Variants in TNFSF4 observed in about 807,000 individuals in gnomAD.
The protein encoded by TNFSF4 is tumor necrosis factor ligand superfamily member 4.
In TNFSF4, 4 loss-of-function variants were observed where a neutral mutation model predicts 7.3. The observed-to-expected ratio is 0.55, with a 90% CI of 0.27 to 1.25. The LOEUF (loss-of-function observed/expected upper bound fraction) is 1.25, where lower values mean the gene tolerates loss of function less well. TNFSF4 is among the 50% of genes most tolerant of loss of function. TNFSF4 has a pLI of 0.12. For synonymous variants in TNFSF4, 76 were observed against 83.7 expected (o/e 0.91, Z 0.50); for missense variants, 181 against 208.8 (o/e 0.87, Z 0.82).
chr1:173,314,882 C>T, the TNFSF4 span, among the ~76,000 whole-genome samples: 1 of 152,044 alleles, frequency 6.6e-6, no homozygotes, highest in Non-Finnish European at 1.5e-5. Flanking sequence ...AAGTGAAGTA[C>T]AATGGGTATA....
chr1:173,371,389 AG>A, the TNFSF4 span, among the ~76,000 whole-genome samples: 1 of 152,208 alleles, frequency 6.6e-6, no homozygotes. Flanking sequence ...TATGAATATG[AG>A]GAAAAAGTTA....
At chr1:173,369,356 C>T in the TNFSF4 span, among the ~76,000 whole-genome samples, 1 of 152,254 alleles carries the variant, frequency 6.6e-6, no homozygotes, top group East Asian at 1.9e-4. Context: ...TTTCTTGGTC[C>T]TCTTTGTGGT....
At chr1:173,291,875 C>T in the TNFSF4 span, among the ~76,000 whole-genome samples, 1 of 151,916 alleles carries the variant, frequency 6.6e-6, no homozygotes, top group South Asian at 2.1e-4. Flanking sequence ...AACACCTAGG[C>T]TATTAAACAA....
chr1:173,335,018 AT>A, the TNFSF4 span, among the ~76,000 whole-genome samples: 1 of 152,138 alleles, frequency 6.6e-6, no homozygotes, highest in South Asian at 2.1e-4. Flanking sequence ...AGTTTGTGGG[AT>A]AATGGTGGAG....
At chr1:173,208,833 T>C (rs1186011185), upstream of TNFSF4, among the ~76,000 whole-genome samples, 1 of 144,028 alleles carries the variant, frequency 6.9e-6, no homozygotes, top group African/African-American at 2.6e-5. Context: ...TTTCAAAAAA[T>C]GACTAAGAGT....
chr1:173,239,318 G>A, the TNFSF4 span, among the ~76,000 whole-genome samples: 1 of 152,214 alleles, frequency 6.6e-6, no homozygotes, highest in East Asian at 1.9e-4. Context: ...AGCCATGGTG[G>A]GAGGACAGTT....
chr1:173,443,571 G>A, the TNFSF4 span, among the ~76,000 whole-genome samples: 1 of 152,150 alleles, frequency 6.6e-6, no homozygotes, highest in African/African-American at 2.4e-5. Context: ...TGTAGATATA[G>A]ATAGCGATTG....
At chr1:173,319,811 C>A in the TNFSF4 span, among the ~76,000 whole-genome samples, 3 of 152,296 alleles carry the variant, frequency 2.0e-5, no homozygotes, top group Non-Finnish European at 2.9e-5. Context: ...AACAGCAACA[C>A]CAACAAAGAA....
the TNFSF4 span, among the ~76,000 whole-genome samples, chr1:173,291,513 G>C: frequency 6.6e-6 from 1 of 152,154 alleles, no homozygotes; most frequent in African/African-American, 2.4e-5. Context: ...TAAGAGGAAA[G>C]TTTATAGCAC....
the TNFSF4 span, among the ~76,000 whole-genome samples, chr1:173,443,187 G>A: frequency 6.6e-6 from 1 of 152,168 alleles, no homozygotes; most frequent in Non-Finnish European, 1.5e-5. Context: ...CAGAAAAGAT[G>A]AGAAAGAATA....
chr1:173,355,581 C>T, the TNFSF4 span, among the ~76,000 whole-genome samples: 1 of 152,306 alleles, frequency 6.6e-6, no homozygotes, highest in South Asian at 2.1e-4. Context: ...GGGCCTCCAC[C>T]CATTTCCCTC....
chr1:173,306,095 A>C, the TNFSF4 span, among the ~76,000 whole-genome samples: 1 of 151,982 alleles, frequency 6.6e-6, no homozygotes, highest in Admixed American at 6.6e-5. Flanking sequence ...TCTGAAATCC[A>C]AATCTCAGTG....
the TNFSF4 span, among the ~76,000 whole-genome samples, chr1:173,244,744 G>A: frequency 2.6e-5 from 4 of 151,190 alleles, no homozygotes; most frequent in Admixed American, 6.6e-5. Flanking sequence ...TCACAGCCGC[G>A]CAAATGACCT....
At chr1:173,373,045 G>A in the TNFSF4 span, among the ~76,000 whole-genome samples, 1 of 152,212 alleles carries the variant, frequency 6.6e-6, no homozygotes, top group Non-Finnish European at 1.5e-5. Context: ...GCACTTACCT[G>A]AGCCTTAGAA....
chr1:173,386,653 G>A, the TNFSF4 span, among the ~76,000 whole-genome samples: 1 of 152,154 alleles, frequency 6.6e-6, no homozygotes, highest in Admixed American at 6.5e-5. Context: ...CTTGAGACCT[G>A]TAGAGCCATC....
At chr1:173,441,056 C>T in the TNFSF4 span, among the ~76,000 whole-genome samples, 2 of 152,174 alleles carry the variant, frequency 1.3e-5, no homozygotes, top group African/African-American at 2.4e-5. Flanking sequence ...TACTAAACCT[C>T]TGAGTGCAGT....
At chr1:173,325,272 C>T in the TNFSF4 span, among the ~76,000 whole-genome samples, 1 of 152,054 alleles carries the variant, frequency 6.6e-6, no homozygotes, top group Non-Finnish European at 1.5e-5. Context: ...CTACTGGGTA[C>T]ATAATGAAAT....
At chr1:173,340,197 C>G in the TNFSF4 span, among the ~76,000 whole-genome samples, 76 of 152,230 alleles carry the variant, frequency 5.0e-4, no homozygotes, top group African/African-American at 1.8e-3. Context: ...AGGTCTCGAG[C>G]CTAGTATCCT....
chr1:173,354,481 A>AC, the TNFSF4 span, among the ~76,000 whole-genome samples: 1 of 152,148 alleles, frequency 6.6e-6, no homozygotes, highest in Non-Finnish European at 1.5e-5. Context: ...CTCCTCCCTA[A>AC]TTATTTTATG....
Sources: allele counts gnomAD v4.1 joint callset (sites outside exome capture counted in the v4.1 genomes callset), GRCh38; gene constraint gnomAD v4.1.1; transcripts MANE v1.5; gene names NCBI Gene and HGNC (gene_info 2026-07-23, HGNC 2026-07-21).